KIRREL3: variants seen among roughly 807,000 people sequenced by gnomAD.
The protein encoded by KIRREL3 is kin of IRRE-like protein 3.
Under a neutral mutation model 89.7 loss-of-function variants are expected in KIRREL3, and 36 were observed. The ratio of observed to expected loss-of-function variants is 0.40; its 90% CI spans 0.31 to 0.53. KIRREL3 has a LOEUF of 0.53. Ranked by LOEUF, KIRREL3 falls within the 20% of genes least tolerant of loss-of-function variation. KIRREL3 has a pLI of 0.49. For synonymous variants in KIRREL3, 445 were observed against 441.4 expected, an observed-to-expected ratio of 1.01 and a Z score of -0.10; for missense variants, 864 against 1,056.6, an observed-to-expected ratio of 0.82 and a Z score of 2.53.
At position 126,575,493 on chromosome 11, in the gene KIRREL3, A is replaced by T. The variant is rs562911079; in HGVS notation, c.56-12581T>A. On this transcript the variant is annotated intron_variant, in intron 1 of 16. Transcript: ENST00000525144. The surrounding 1 kb of genome is among the most constrained non-coding windows in gnomAD (Gnocchi z 7.0). ...AGTTGTGTTCCTAAACCCTGTCTAA[A>T]TGTATGGAACCAAGGCCGGACACAT... is the stretch of plus-strand genomic sequence containing the variant. 9.8e-5 allele frequency among the ~76,000 whole-genome samples: 15 copies of T among 152,332 alleles called. 1 individual carries two copies. The highest frequency in any genetic ancestry group is 2.6e-4 in the African/African-American group (11 of 41,584).
chr11:126,943,563 T>C lies in KIRREL3; in HGVS notation c.55+56892A>G, dbSNP rs574188777. ...CCAGGACAAGATTAAATCAGCAGAC[T>C]GAACGATAAATGAACAGTAATGCAT... On this transcript the variant is annotated intron_variant, in intron 1 of 16. Transcript: ENST00000525144. This position sits in a 1 kb window ranked among gnomAD's most constrained non-coding sequence, Gnocchi z 4.2. 6.6e-5 allele frequency among the ~76,000 whole-genome samples: 10 copies of C among 152,308 alleles called. No homozygotes were observed. The highest frequency in any genetic ancestry group is 2.4e-4 in the African/African-American group (10 of 41,568).
In KIRREL3 at chr11:126,519,558, G is replaced by T. The variant is rs1473474047; in HGVS notation, c.433+1757C>A. On this transcript the variant is annotated intron_variant, in intron 4 of 16. Coordinates refer to ENST00000525144, the MANE Select transcript of KIRREL3 (RefSeq NM_032531.4). The surrounding 1 kb of genome is among the most constrained non-coding windows in gnomAD (Gnocchi z 4.3). ...CAATACAGCCTTAAGGATGAGATGT[G>T]GCTCCACCTATTTTTGGTTCCTGTG... Among the ~76,000 whole-genome samples, 8 of 152,172 alleles carry T rather than the reference G, an allele frequency of 5.3e-5. No individual in the cohort carries two copies. The highest frequency in any genetic ancestry group is 1.2e-4 in the Non-Finnish European group (8 of 68,034).
intron 7 of KIRREL3, among the ~76,000 whole-genome samples, chr11:126,450,437 A>G (rs1956009900): frequency 7.7e-6 from 1 of 129,998 alleles, no homozygotes; most frequent in Non-Finnish European, 1.6e-5. Context: ...GTATGTGTCC[A>G]TGTGTATGTG....
chr11:126,791,701 G>A lies in KIRREL3; in HGVS notation c.55+208754C>T, dbSNP rs566767759. Among the ~76,000 whole-genome samples, 12 of 152,310 alleles carry A rather than the reference G, an allele frequency of 7.9e-5. No homozygotes were observed. Among genetic ancestry groups the A allele is most frequent in the African/African-American group, 2.9e-4 (12 of 41,572 alleles). On this transcript the variant is annotated intron_variant, in intron 1 of 16. Transcript: ENST00000525144. This position sits in a 1 kb window ranked among gnomAD's most constrained non-coding sequence, Gnocchi z 4.8. ...CCATGGCCAGGCCAGGTGTGAATGA[G>A]TCTGAGCCCAGTGAAAGAGGGAGAG...
Position 126,836,397 on chromosome 11 carries a change from C to T in KIRREL3, c.55+164058G>A, listed in dbSNP as rs375856431. On this transcript the variant is annotated intron_variant, in intron 1 of 16. Coordinates refer to ENST00000525144, the MANE Select transcript of KIRREL3 (RefSeq NM_032531.4). ...CTCCAATGAAGCCTTGATAAACAGC[C>T]TTTGTGCCCTTACCAGGATTCTAAA... Among the ~76,000 whole-genome samples, 184 of 152,288 alleles carry T rather than the reference C, an allele frequency of 1.2e-3. 3 individuals are homozygous for T. In the South Asian group the frequency reaches 0.036, roughly 30 times the overall value.
At chr11:126,926,712 G>A (rs1947732122) in intron 1 of KIRREL3, among the ~76,000 whole-genome samples, 1 of 152,196 alleles carries the variant, frequency 6.6e-6, no homozygotes, top group Admixed American at 6.5e-5. Flanking sequence ...CTGCTCTGTG[G>A]TTGGGATGCA....
rs375451547 is a variant in KIRREL3 at position 126,429,318 on chromosome 11, T to C, written c.1697-30A>G. 6 of 1,489,098 alleles carry C rather than the reference T, an allele frequency of 4.0e-6. No homozygotes were observed. The highest frequency in any genetic ancestry group is 5.6e-6 in the Non-Finnish European group (6 of 1,067,268). 92.2% of individuals were successfully genotyped at this position (1,489,098 alleles called of 1,614,324 possible). On this transcript the variant is annotated intron_variant, in intron 14 of 16. Transcript: ENST00000525144. This position sits in a 1 kb window ranked among gnomAD's most constrained non-coding sequence, Gnocchi z 5.2. ...AGATAAAATAGTAAAGTGTAGATGA[T>C]AGATTTAGTTCTTACCTTTGAGATG...
At chr11:126,851,110 T>TATAA (rs1179480247) in intron 1 of KIRREL3, among the ~76,000 whole-genome samples, 3 of 152,200 alleles carry the variant, frequency 2.0e-5, no homozygotes, top group Non-Finnish European at 4.4e-5. Context: ...AAGAATTCTG[T>TATAA]ATAAAGAAGG....
chr11:126,667,639 A>G (rs922493668), intron 1 of KIRREL3, among the ~76,000 whole-genome samples: 2 of 151,880 alleles, frequency 1.3e-5, no homozygotes, highest in Non-Finnish European at 2.9e-5. Context: ...TCCCAGACAC[A>G]CTCTCAACTC....
chr11:126,829,810 ACT>A (rs1308522973), intron 1 of KIRREL3, among the ~76,000 whole-genome samples: 3 of 152,150 alleles, frequency 2.0e-5, no homozygotes, highest in Middle Eastern at 3.2e-3. Flanking sequence ...TAAAAGGCAA[ACT>A]CTGATTAAAT....
chr11:126,994,196 CGTGT>C lies in KIRREL3; in HGVS notation c.55+6255_55+6258del, dbSNP rs141825363. 6.6e-6 allele frequency among the ~76,000 whole-genome samples: 1 copy of C among 151,234 alleles called. No homozygotes were observed. Among genetic ancestry groups the C allele is most frequent in the Non-Finnish European group, 1.5e-5 (1 of 67,766 alleles). ...CTGATTTAACATTAAGTGGTGTGTG[CGTGT>C]GTGTGTGTGTATGTGTTCAGTAGGG... is the stretch of plus-strand genomic sequence containing the variant. On this transcript the variant is annotated intron_variant, in intron 1 of 16. Coordinates refer to ENST00000525144, the MANE Select transcript of KIRREL3 (RefSeq NM_032531.4). This position sits in a 1 kb window ranked among gnomAD's most constrained non-coding sequence, Gnocchi z 5.2.
chr11:126,792,399 G>A (rs1262070819), intron 1 of KIRREL3, among the ~76,000 whole-genome samples: 2 of 152,226 alleles, frequency 1.3e-5, no homozygotes, highest in African/African-American at 2.4e-5. Flanking sequence ...GAGAAGTTAA[G>A]TAATTTGCCC....
intron 2 of KIRREL3, among the ~76,000 whole-genome samples, chr11:126,560,485 C>T (rs1940038647): frequency 6.6e-6 from 1 of 152,198 alleles, no homozygotes; most frequent in Non-Finnish European, 1.5e-5. Flanking sequence ...ATTACTCTAA[C>T]TTATGATAAA....
At chr11:126,658,017 C>G (rs925971455) in intron 1 of KIRREL3, among the ~76,000 whole-genome samples, 1 of 152,218 alleles carries the variant, frequency 6.6e-6, no homozygotes. Flanking sequence ...TGGGGCTGCT[C>G]ACCCAATCCC....
intron 9 of KIRREL3, 42 bp from the exon 10 acceptor site, chr11:126,445,147 G>A (rs376558662): frequency 6.2e-7 from 1 of 1,607,940 alleles, no homozygotes; most frequent in South Asian, 1.1e-5. Flanking sequence ...GCAGGCGGAG[G>A]GGTGCACTCT....
At position 126,594,494 on chromosome 11, in the gene KIRREL3, T is replaced by C. The variant is rs751677741; in HGVS notation, c.56-31582A>G. Among the ~76,000 whole-genome samples the C allele has an allele frequency of 2.0e-5, 3 of 152,184 alleles. No individual in the cohort carries two copies. Among genetic ancestry groups the C allele is most frequent in the Non-Finnish European group, 2.9e-5 (2 of 68,040 alleles). On this transcript the variant is annotated intron_variant, in intron 1 of 16. Coordinates refer to ENST00000525144, the MANE Select transcript of KIRREL3 (RefSeq NM_032531.4). This position sits in a 1 kb window ranked among gnomAD's most constrained non-coding sequence, Gnocchi z 5.0. ...TCAAATCTCAGCTCCTTCCACTTTT[T>C]TCGCTGTGTAACTTTAGAATTCCTT...
chr11:126,671,489 G>C (rs909908857), intron 1 of KIRREL3, among the ~76,000 whole-genome samples: 1 of 151,956 alleles, frequency 6.6e-6, no homozygotes. Context: ...ATGTGAAAAA[G>C]ACAAGTCATT....
In KIRREL3 at chr11:126,432,300, C is replaced by T. The variant is rs1021297112; in HGVS notation, c.1589-774G>A. Among the ~76,000 whole-genome samples, 1 of 152,154 alleles carries T rather than the reference C, an allele frequency of 6.6e-6. No individual in the cohort carries two copies. The highest frequency in any genetic ancestry group is 1.5e-5 in the Non-Finnish European group (1 of 68,022). On this transcript the variant is annotated intron_variant, in intron 13 of 16. Coordinates refer to ENST00000525144, the MANE Select transcript of KIRREL3 (RefSeq NM_032531.4). This position sits in a 1 kb window ranked among gnomAD's most constrained non-coding sequence, Gnocchi z 6.2. ...CTGCTGAGTCTCTGTGGCCTGTCTCCTGCCCAAGCCGAGTGGGGGTAGGGA... is the reference window on the plus strand; with the variant it reads ...CTGCTGAGTCTCTGTGGCCTGTCTCTTGCCCAAGCCGAGTGGGGGTAGGGA...
intron 1 of KIRREL3, among the ~76,000 whole-genome samples, chr11:126,632,877 A>G (rs1671487300): frequency 7.6e-6 from 1 of 131,984 alleles, no homozygotes; most frequent in South Asian, 2.5e-4. Context: ...AGATCACTTG[A>G]GGTCAGGATT....
Sources: gnomAD v4.1 joint callset for allele counts (sites outside exome capture counted in the v4.1 genomes callset) on GRCh38, gnomAD v4.1.1 for gene constraint, Gnocchi (gnomAD v3.1) non-coding constraint, MANE v1.5 for transcripts, NCBI Gene and HGNC (gene_info 2026-07-23, HGNC 2026-07-21) for gene names.